CLEC16A: variants seen among roughly 807,000 people sequenced by gnomAD.
CLEC16A encodes protein CLEC16A.
CLEC16A carries 51 observed loss-of-function variants against 109.5 expected under a neutral mutation model. That is an observed-to-expected ratio of 0.47 (90% confidence interval 0.37 to 0.59). The LOEUF is 0.59. Ranked by LOEUF, CLEC16A falls within the 20% of genes least tolerant of loss-of-function variation. The probability of loss-of-function intolerance (pLI) is 0.00; values close to 1 mark genes in which losing one functional copy is unlikely to be tolerated. For synonymous variants in CLEC16A, 673 were observed against 564.2 expected (o/e 1.19, Z -2.73); for missense variants, 1,339 against 1,394.0 (o/e 0.96, Z 0.63).
intron 13 of CLEC16A, among the ~76,000 whole-genome samples, chr16:11,039,092 C>T (rs551601949): frequency 1.3e-5 from 2 of 152,232 alleles, no homozygotes; most frequent in South Asian, 4.2e-4. Context: ...GGAGTGGCCT[C>T]AGGTGGCCCT....
chr16:10,967,448 A>G (rs946734674), intron 3 of CLEC16A, among the ~76,000 whole-genome samples: 5 of 152,162 alleles, frequency 3.3e-5, no homozygotes, highest in Non-Finnish European at 5.9e-5. Flanking sequence ...CGCCTAGGCT[A>G]GTCTCCAGTG....
At chr16:11,082,687 C>T (rs1245127012) in intron 19 of CLEC16A, among the ~76,000 whole-genome samples, 6 of 152,224 alleles carry the variant, frequency 3.9e-5, no homozygotes, top group African/African-American at 1.4e-4. Context: ...TCCTCCACCT[C>T]TCTCTTCTGG....
chr16:11,176,243 T>C (rs912903197), intron 23 of CLEC16A, among the ~76,000 whole-genome samples: 3 of 152,246 alleles, frequency 2.0e-5, no homozygotes, highest in Admixed American at 6.5e-5. Context: ...AGCAAATCAG[T>C]TGAAATTCAA....
In CLEC16A at chr16:11,149,531, C is replaced by T. The variant is rs145043857; in HGVS notation, c.2642-16857C>T. Among the ~76,000 whole-genome samples, 477 of 152,176 alleles carry T rather than the reference C, an allele frequency of 3.1e-3. 4 individuals are homozygous for T. The highest frequency in any genetic ancestry group is 0.011 in the African/African-American group (464 of 41,518). On this transcript the variant is annotated intron_variant, in intron 22 of 23. Transcript: ENST00000409790. ...ATCAGGCTGGGCACAGTGGCTCATG[C>T]CTGTAATCTCAACACTTTGGGAGGC...
At chr16:10,985,530 T>C (rs1016802625) in intron 10 of CLEC16A, among the ~76,000 whole-genome samples, 1 of 143,416 alleles carries the variant, frequency 7.0e-6, no homozygotes, top group African/African-American at 2.5e-5. Flanking sequence ...ACTGGAGATG[T>C]ACTGGGTCCC....
At position 11,127,168 on chromosome 16, in the gene CLEC16A, A is replaced by T. The variant is rs143518743; in HGVS notation, c.2641+1022A>T. 5.8e-3 allele frequency among the ~76,000 whole-genome samples: 883 copies of T among 152,264 alleles called. 1 individual carries two copies. Among genetic ancestry groups the T allele is most frequent in the Non-Finnish European group, 9.0e-3 (610 of 68,012 alleles). ...TTCCAGAAATATTTCTTTGTATGTC[A>T]TGCATATGTTTGTTTTTTACACATG... is the stretch of plus-strand genomic sequence containing the variant. On this transcript the variant is annotated intron_variant, in intron 22 of 23. Transcript: ENST00000409790.
At chr16:11,039,719 G>A (rs2047214509) in intron 13 of CLEC16A, 35 bp from the exon 14 acceptor site, 2 of 1,572,110 alleles carry the variant, frequency 1.3e-6, no homozygotes, top group Non-Finnish European at 1.7e-6. Context: ...AGGTAGTCAG[G>A]AGGCCTCCAC....
intron 3 of CLEC16A, among the ~76,000 whole-genome samples, chr16:10,963,300 G>A (rs2042343396): frequency 6.6e-6 from 1 of 152,172 alleles, no homozygotes. Flanking sequence ...CCTCGCCAAA[G>A]GCCCTGTCTT....
At chr16:11,093,473 C>G (rs2050430306) in intron 19 of CLEC16A, among the ~76,000 whole-genome samples, 1 of 152,154 alleles carries the variant, frequency 6.6e-6, no homozygotes, top group Non-Finnish European at 1.5e-5. Flanking sequence ...GGGAGCATGC[C>G]CTGCTGGACA....
intron 10 of CLEC16A, among the ~76,000 whole-genome samples, chr16:10,984,749 G>T (rs2043525232): frequency 6.6e-6 from 1 of 152,218 alleles, no homozygotes; most frequent in Admixed American, 6.5e-5. Context: ...CTAAATGAAT[G>T]TAAGTCACGG....
chr16:11,161,742 A>C (rs2054728319), intron 22 of CLEC16A, among the ~76,000 whole-genome samples: 1 of 152,256 alleles, frequency 6.6e-6, no homozygotes, highest in South Asian at 2.1e-4. Context: ...TCCTGCAGGA[A>C]TGGGGCCCCA....
At chr16:11,055,575 CTT>C (rs71136609) in intron 18 of CLEC16A, among the ~76,000 whole-genome samples, 43 of 41,740 alleles carry the variant, frequency 1.0e-3, no homozygotes, top group African/African-American at 3.0e-3. Flanking sequence ...TTCCCTCTTG[CTT>C]TTTTTTTTTT....
chr16:11,003,355 G>T (rs374933628), intron 11 of CLEC16A, 50 bp downstream of exon 11: 1 of 1,492,790 alleles, frequency 6.7e-7, no homozygotes, highest in Non-Finnish European at 9.2e-7. Flanking sequence ...CAGCCAGCCC[G>T]CCAGCGAGGC....
chr16:11,032,603 G>A (rs1007622961), intron 13 of CLEC16A, among the ~76,000 whole-genome samples: 1 of 152,226 alleles, frequency 6.6e-6, no homozygotes, highest in African/African-American at 2.4e-5. Context: ...TGATGAGGAA[G>A]CCTAGTGGTT....
chr16:10,947,916 A>G (rs906863873), intron 1 of CLEC16A, among the ~76,000 whole-genome samples: 1 of 100,748 alleles, frequency 9.9e-6, no homozygotes, highest in Non-Finnish European at 2.1e-5. Context: ...TTTTTGAGAT[A>G]AGAGTCTTGC....
intron 22 of CLEC16A, among the ~76,000 whole-genome samples, chr16:11,143,286 T>A (rs1466148563): frequency 6.6e-6 from 1 of 152,118 alleles, no homozygotes; most frequent in Non-Finnish European, 1.5e-5. Flanking sequence ...GGGGAAGACA[T>A]CTTTGAGCAG....
intron 18 of CLEC16A, among the ~76,000 whole-genome samples, chr16:11,051,858 C>G (rs2047959603): frequency 6.6e-6 from 1 of 152,302 alleles, no homozygotes; most frequent in Non-Finnish European, 1.5e-5. Context: ...CATCTGGCAC[C>G]CAGTGTTGGC....
At chr16:11,152,245 T>G (rs568478337) in intron 22 of CLEC16A, among the ~76,000 whole-genome samples, 1 of 152,318 alleles carries the variant, frequency 6.6e-6, no homozygotes, top group African/African-American at 2.4e-5. Context: ...ACAATTTCAC[T>G]TGAACAGCTA....
intron 23 of CLEC16A, among the ~76,000 whole-genome samples, chr16:11,176,946 T>C (rs951123896): frequency 6.6e-6 from 1 of 152,224 alleles, no homozygotes; most frequent in Admixed American, 6.5e-5. Flanking sequence ...TTTTGCTTTA[T>C]GTTCCATTTG....
Sources: gnomAD v4.1 joint callset for allele counts (sites outside exome capture counted in the v4.1 genomes callset) on GRCh38, gnomAD v4.1.1 for gene constraint, MANE v1.5 for transcripts, NCBI Gene and HGNC (gene_info 2026-07-23, HGNC 2026-07-21) for gene names.